Variants in IL1RAPL2 observed in about 807,000 individuals in gnomAD.
IL1RAPL2 encodes the protein X-linked interleukin-1 receptor accessory protein-like 2.
A neutral mutation model predicts 44.1 loss-of-function variants in IL1RAPL2; 3 were observed. The observed-to-expected ratio is 0.07, with a 90% confidence interval of 0.03 to 0.18. IL1RAPL2 has a LOEUF of 0.18. Among genes scored for constraint, IL1RAPL2 ranks in the 10% least tolerant of loss-of-function variants. The pLI is 1.00. For missense variants in IL1RAPL2, 391 were observed against 496.4 expected, an observed-to-expected ratio of 0.79 and a Z score of 2.02; for synonymous variants, 181 against 178.8, an observed-to-expected ratio of 1.01 and a Z score of -0.10.
intron 2 of IL1RAPL2, among the ~76,000 whole-genome samples, chrX:104,769,254 T>C (rs1932605207): frequency 9.0e-6 from 1 of 111,724 alleles, no homozygotes; most frequent in South Asian, 3.7e-4. Flanking sequence ...GTTGACCTGA[T>C]TGGTTCAGAG....
chrX:105,392,133 CTT>C (rs1214313413), intron 5 of IL1RAPL2, among the ~76,000 whole-genome samples: 18 of 106,427 alleles, frequency 1.7e-4, no homozygotes, highest in Non-Finnish European at 2.7e-4. Flanking sequence ...TACCCTAAAA[CTT>C]AAAGTATAAT....
chrX:105,474,820 T>G (rs1602428425), intron 5 of IL1RAPL2, among the ~76,000 whole-genome samples: 1 of 110,711 alleles, frequency 9.0e-6, no homozygotes, highest in African/African-American at 3.3e-5. Flanking sequence ...TTATTTTTTT[T>G]GGTGATGCTT....
chrX:105,534,088 T>G (rs1209103083), intron 6 of IL1RAPL2, among the ~76,000 whole-genome samples: 2 of 112,082 alleles, frequency 1.8e-5, no homozygotes, highest in Non-Finnish European at 3.8e-5. Flanking sequence ...TTCCCAAAAG[T>G]GAAAGTGTTG....
rs1207826206 is a variant in IL1RAPL2 at position 105,213,247 on chromosome X, T to G, written c.356+17499T>G. Among the ~76,000 whole-genome samples the G allele has an allele frequency of 4.6e-5, 5 of 109,182 alleles. No individual in the cohort carries two copies. In the East Asian group the frequency reaches 1.5e-3, roughly 32 times the overall value. 94.8% of individuals were successfully genotyped at this position (109,182 alleles called of 115,157 possible). Reference sequence around the variant, plus strand: ...GAACCTGATAAAAGGTTACAGAAACTGCTAACTAGAATAACCAGTTTAGAG... The same window carrying G: ...GAACCTGATAAAAGGTTACAGAAACGGCTAACTAGAATAACCAGTTTAGAG... On this transcript the variant is annotated intron_variant, in intron 3 of 10. Coordinates refer to ENST00000372582, the MANE Select transcript of IL1RAPL2 (RefSeq NM_017416.2).
At position 105,720,327 on chromosome X, in the gene IL1RAPL2, A is replaced by G. The variant is rs1480912391; in HGVS notation, c.902+2831A>G. On this transcript the variant is annotated intron_variant, in intron 7 of 10. Coordinates refer to ENST00000372582, the MANE Select transcript of IL1RAPL2 (RefSeq NM_017416.2). Reference sequence around the variant, plus strand: ...CCACAATGAAGATAACATATTAATCACCCCCATGTTTCCTGGTGCCCCTTT... The same window carrying G: ...CCACAATGAAGATAACATATTAATCGCCCCCATGTTTCCTGGTGCCCCTTT... Among the ~76,000 whole-genome samples, 3 of 110,813 alleles carry G rather than the reference A, an allele frequency of 2.7e-5. No homozygotes were observed. In the East Asian group the frequency reaches 8.5e-4, roughly 32 times the overall value.
chrX:104,639,191 G>A (rs1240913062), intron 1 of IL1RAPL2, among the ~76,000 whole-genome samples: 3 of 111,487 alleles, frequency 2.7e-5, no homozygotes, highest in Non-Finnish European at 5.7e-5. Context: ...AGTGGACTGG[G>A]TGGGTGGGTT....
chrX:105,029,218 T>A (rs2031431889), intron 2 of IL1RAPL2, among the ~76,000 whole-genome samples: 1 of 107,940 alleles, frequency 9.3e-6, no homozygotes, highest in African/African-American at 3.3e-5. Flanking sequence ...TGAGGTCTTT[T>A]TATTTTATTT....
chrX:105,080,293 C>T (rs980195629), intron 2 of IL1RAPL2, among the ~76,000 whole-genome samples: 1 of 111,660 alleles, frequency 9.0e-6, no homozygotes, highest in African/African-American at 3.3e-5. Flanking sequence ...AAGTCTTTGC[C>T]CATGCCAATG....
intron 8 of IL1RAPL2, 36 bp from the exon 9 acceptor site, chrX:105,748,924 T>C: frequency 4.2e-6 from 5 of 1,184,163 alleles, no homozygotes; most frequent in Non-Finnish European, 5.7e-6. Flanking sequence ...TGTTGCTGAT[T>C]TAATTACCTT....
rs953247171 is a variant in IL1RAPL2 at position 104,933,317 on chromosome X, C to T, written c.83-262158C>T. 1.7e-4 allele frequency among the ~76,000 whole-genome samples: 19 copies of T among 111,112 alleles called. 1 individual carries two copies. The highest frequency in any genetic ancestry group is 4.6e-3 in the Middle Eastern group (1 of 219). On this transcript the variant is annotated intron_variant, in intron 2 of 10. Coordinates refer to ENST00000372582, the MANE Select transcript of IL1RAPL2 (RefSeq NM_017416.2). ...TAGGTCCAAAAAAATCTCATCTTTC[C>T]CCCCATGCAGTCTAAATCCTGGTTC...
intron 2 of IL1RAPL2, among the ~76,000 whole-genome samples, chrX:104,969,137 A>G (rs2030185296): frequency 9.0e-6 from 1 of 110,682 alleles, no homozygotes; most frequent in African/African-American, 3.3e-5. Context: ...GCTTATTAGT[A>G]AAGCTAGAAT....
At chrX:104,755,233 G>A (rs1333687432) in intron 2 of IL1RAPL2, among the ~76,000 whole-genome samples, 2 of 110,816 alleles carry the variant, frequency 1.8e-5, no homozygotes, top group Non-Finnish European at 3.8e-5. Flanking sequence ...ACAAGGGAAA[G>A]TTATGGACTG....
At chrX:105,380,915 G>A (rs1363880347) in intron 5 of IL1RAPL2, among the ~76,000 whole-genome samples, 1 of 111,215 alleles carries the variant, frequency 9.0e-6, no homozygotes, top group African/African-American at 3.3e-5. Flanking sequence ...AGGTGCAGAG[G>A]TAATAGGGGG....
At chrX:104,968,979 C>CTGTGTGTGTGTGTGTGTGTGTGTG (rs35842489) in intron 2 of IL1RAPL2, among the ~76,000 whole-genome samples, 4 of 82,048 alleles carry the variant, frequency 4.9e-5, no homozygotes, top group African/African-American at 1.8e-4. Flanking sequence ...TTGCCTTTTG[C>CTGTGTGTGTGTGTGTGTGTGTGTG]TGTGTGTGTG....
intron 2 of IL1RAPL2, among the ~76,000 whole-genome samples, chrX:104,918,020 A>G (rs985105224): frequency 9.2e-6 from 1 of 108,967 alleles, no homozygotes; most frequent in African/African-American, 3.6e-5. Flanking sequence ...AGAAGATTTT[A>G]GGACTCCAAA....
chrX:104,671,956 C>T (rs895353501), intron 2 of IL1RAPL2, among the ~76,000 whole-genome samples: 1 of 111,392 alleles, frequency 9.0e-6, no homozygotes, highest in African/African-American at 3.3e-5. Flanking sequence ...TTCACATAGA[C>T]TTTATAGTTT....
intron 1 of IL1RAPL2, among the ~76,000 whole-genome samples, chrX:104,626,824 CT>C (rs199567660): frequency 5.1e-3 from 500 of 98,755 alleles, no homozygotes; most frequent in African/African-American, 0.012. Context: ...TTGTAGATAA[CT>C]TTTTTTTTTT....
intron 2 of IL1RAPL2, among the ~76,000 whole-genome samples, chrX:104,745,987 C>G (rs1244931597): frequency 2.7e-5 from 3 of 111,491 alleles, no homozygotes; most frequent in Non-Finnish European, 5.7e-5. Context: ...TTCCTTCATT[C>G]ATGCTGATTC....
intron 6 of IL1RAPL2, among the ~76,000 whole-genome samples, chrX:105,645,958 C>A (rs777268713): frequency 1.4e-4 from 16 of 111,435 alleles, no homozygotes; most frequent in Non-Finnish European, 3.0e-4. Flanking sequence ...CTCCCTTGCC[C>A]TTCTTTACTT....
Sources: gnomAD v4.1 joint callset for allele counts (sites outside exome capture counted in the v4.1 genomes callset) on GRCh38, gnomAD v4.1.1 for gene constraint, MANE v1.5 for transcripts, NCBI Gene and HGNC (gene_info 2026-07-23, HGNC 2026-07-21) for gene names.